The following CUX1 variants were observed in gnomAD, a reference collection of about 807,000 sequenced individuals.
CUX1 encodes the protein protein CASP.
Under a neutral mutation model 158.8 loss-of-function variants are expected in CUX1, and 31 were observed. That is an observed-to-expected ratio of 0.20 (90% CI 0.15 to 0.26). The LOEUF (loss-of-function observed/expected upper bound fraction) is 0.26, where lower values mean the gene tolerates loss of function less well. Ranked by LOEUF, CUX1 falls within the 10% of genes least tolerant of loss-of-function variation. CUX1 has a pLI of 1.00. For synonymous variants in CUX1, 879 were observed against 862.1 expected, an observed-to-expected ratio of 1.02 and a Z score of -0.34; for missense variants, 1,589 against 2,014.6, an observed-to-expected ratio of 0.79 and a Z score of 4.04.
intron 2 of CUX1, among the ~76,000 whole-genome samples, chr7:102,017,290 CAAAA>C (rs10629776): frequency 7.6e-6 from 1 of 131,636 alleles, no homozygotes; most frequent in Non-Finnish European, 1.6e-5. Context: ...GACTCCATCT[CAAAA>C]AAAAAAAAAA....
intron 3 of CUX1, among the ~76,000 whole-genome samples, chr7:102,060,545 AG>A (rs1824683043): frequency 6.6e-6 from 1 of 151,738 alleles, no homozygotes; most frequent in African/African-American, 2.4e-5. Context: ...GAAGAGATCA[AG>A]GCTTCAGTAT....
intron 2 of CUX1, among the ~76,000 whole-genome samples, chr7:101,967,255 TCC>T (rs1221652895): frequency 6.6e-6 from 1 of 152,006 alleles, no homozygotes; most frequent in Non-Finnish European, 1.5e-5. Context: ...CCTCAGGCTA[TCC>T]ACCCGCCTCA....
At chr7:101,854,720 G>A (rs1796603518) in intron 1 of CUX1, among the ~76,000 whole-genome samples, 5 of 152,120 alleles carry the variant, frequency 3.3e-5, no homozygotes, top group Admixed American at 3.3e-4. Flanking sequence ...ACACTTCAAA[G>A]GACTAAAAAT....
Position 102,249,177 on chromosome 7 carries a change from C to A in CUX1, c.*135C>A. On this transcript the variant is annotated 3_prime_UTR_variant, in exon 24 of 24. Coordinates refer to ENST00000292535, the MANE Select transcript of CUX1 (RefSeq NM_181552.4). ...ACCGACCCCGGGCCGGACCTGAGCC[C>A]GCAGCCCAGACCCCCTCCACGGTCC... 1 of 1,137,102 alleles carries A rather than the reference C, an allele frequency of 8.8e-7. No homozygotes were observed. 70.4% of individuals were successfully genotyped at this position (1,137,102 alleles called of 1,614,324 possible). A position where few individuals can be genotyped will look rare whatever the true frequency, so the allele number is the denominator to read the frequency against.
At chr7:101,875,787 CT>C (rs1362925969) in intron 1 of CUX1, among the ~76,000 whole-genome samples, 2 of 151,986 alleles carry the variant, frequency 1.3e-5, no homozygotes, top group Non-Finnish European at 2.9e-5. Flanking sequence ...GTAGGCCTGA[CT>C]TTTTGCCTAA....
chr7:102,283,351 T>C (rs1280042639), exon 23 of CUX1: 2 of 518,568 alleles, frequency 3.9e-6, no homozygotes, highest in Non-Finnish European at 3.5e-6. Flanking sequence ...CCACCTCAGG[T>C]TAGGGCTCTG....
rs577915646 is a variant in CUX1, at chr7:102,156,201, G to A, written c.675-2359G>A. 9.2e-5 allele frequency among the ~76,000 whole-genome samples: 14 copies of A among 152,234 alleles called. 1 individual carries two copies. The highest frequency in any genetic ancestry group is 6.2e-4 in the South Asian group (3 of 4,818). ...GGAGACAGTTTTTCCAACTCTCAGC[G>A]TCCAGGGTGTACCTTAGCCTGTTTT... is the stretch of plus-strand genomic sequence containing the variant. On this transcript the variant is annotated intron_variant, in intron 8 of 23. Coordinates refer to ENST00000292535, the MANE Select transcript of CUX1 (RefSeq NM_181552.4).
intron 8 of CUX1, among the ~76,000 whole-genome samples, chr7:102,141,789 A>ATTTTTTTTTT (rs71123009): frequency 0.018 from 1,864 of 102,356 alleles, no homozygotes; most frequent in East Asian, 0.035. Context: ...CTCTCAGCTA[A>ATTTTTTTTTT]TTTTTTTTTT....
In CUX1 at chr7:102,254,231, C is replaced by G. The variant is rs1228474250; in HGVS notation, c.*5189C>G. On this transcript the variant is annotated 3_prime_UTR_variant, in exon 24 of 24. Transcript: ENST00000292535. ...AGGGTCTTGTCTTTGGTCCGCCTTCCTTTCTGTCCAGTCCTGCTCAGCTGT... is the reference window on the plus strand; with the variant it reads ...AGGGTCTTGTCTTTGGTCCGCCTTCGTTTCTGTCCAGTCCTGCTCAGCTGT... 8 of 985,378 alleles carry G rather than the reference C, an allele frequency of 8.1e-6. No individual in the cohort carries two copies. Among genetic ancestry groups the G allele is most frequent in the Admixed American group, 6.1e-5 (1 of 16,268 alleles). The allele number at this position is 985,378 out of a possible 1,614,324, so 61.0% of individuals were successfully genotyped here.
At chr7:101,835,446 C>T (rs1484133338) in intron 1 of CUX1, among the ~76,000 whole-genome samples, 1 of 152,094 alleles carries the variant, frequency 6.6e-6, no homozygotes, top group Non-Finnish European at 1.5e-5. Context: ...TTGTGAATAA[C>T]GCTGCTGTGA....
intron 21 of CUX1, among the ~76,000 whole-genome samples, chr7:102,228,518 G>A (rs1383596846): frequency 2.6e-5 from 4 of 152,104 alleles, no homozygotes; most frequent in African/African-American, 9.7e-5. Context: ...AATTAGGCCG[G>A]GCATAGTGGC....
At chr7:101,820,541 C>T (rs1584635107) in intron 1 of CUX1, among the ~76,000 whole-genome samples, 1 of 152,160 alleles carries the variant, frequency 6.6e-6, no homozygotes, top group Admixed American at 6.5e-5. Flanking sequence ...TTATTGAATA[C>T]ATAACTTTAA....
intron 8 of CUX1, among the ~76,000 whole-genome samples, chr7:102,122,940 TAGAG>T (rs1178961869): frequency 9.2e-5 from 14 of 151,950 alleles, no homozygotes; most frequent in African/African-American, 3.4e-4. Context: ...TACACATAAA[TAGAG>T]AGGCAGCCGG....
intron 9 of CUX1, among the ~76,000 whole-genome samples, chr7:102,166,415 C>T (rs1791040706): frequency 6.6e-6 from 1 of 152,154 alleles, no homozygotes; most frequent in African/African-American, 2.4e-5. Flanking sequence ...TCTGCAGGGA[C>T]ACAGGAGGAG....
At chr7:101,868,292 T>C (rs1798131051) in intron 1 of CUX1, among the ~76,000 whole-genome samples, 1 of 152,200 alleles carries the variant, frequency 6.6e-6, no homozygotes, top group East Asian at 1.9e-4. Flanking sequence ...CCAGTCCCTT[T>C]ACGGCACCTG....
At chr7:101,836,156 C>T (rs1159632355) in intron 1 of CUX1, among the ~76,000 whole-genome samples, 2 of 152,220 alleles carry the variant, frequency 1.3e-5, no homozygotes, top group African/African-American at 4.8e-5. Context: ...TACCTCCCTG[C>T]ATTGTTGCAT....
intron 20 of CUX1, among the ~76,000 whole-genome samples, chr7:102,281,512 A>C (rs182001592): frequency 6.6e-6 from 1 of 151,836 alleles, no homozygotes; most frequent in Non-Finnish European, 1.5e-5. Flanking sequence ...AAAATACAAA[A>C]ATTAGCTGGG....
intron 21 of CUX1, among the ~76,000 whole-genome samples, chr7:102,232,154 T>C (rs1284371400): frequency 1.3e-5 from 2 of 152,028 alleles, no homozygotes; most frequent in Non-Finnish European, 1.5e-5. Context: ...TTTTGTTTTG[T>C]TTTTTCTTTT....
chr7:102,050,804 G>A (rs1264431815), intron 3 of CUX1, among the ~76,000 whole-genome samples: 1 of 151,980 alleles, frequency 6.6e-6, no homozygotes, highest in African/African-American at 2.4e-5. Context: ...CCGGGCTCAA[G>A]TGATCCTCCC....
Sources: gnomAD v4.1 joint callset for allele counts (sites outside exome capture counted in the v4.1 genomes callset) on GRCh38, gnomAD v4.1.1 for gene constraint, MANE v1.5 for transcripts, NCBI Gene and HGNC (gene_info 2026-07-23, HGNC 2026-07-21) for gene names.